Variants in MAP4K3 observed in about 807,000 individuals in gnomAD.
MAP4K3 encodes the protein mitogen-activated protein kinase kinase kinase kinase 3.
MAP4K3 carries 94 observed loss-of-function variants against 143.5 expected under a neutral mutation model. The ratio of observed to expected loss-of-function variants is 0.65; its 90% confidence interval spans 0.55 to 0.78. MAP4K3 has a LOEUF of 0.78. Ranked by LOEUF, MAP4K3 falls within the 30% of genes least tolerant of loss-of-function variation. The probability of loss-of-function intolerance (pLI) is 0.00; values close to 1 mark genes in which losing one functional copy is unlikely to be tolerated. For missense variants in MAP4K3, 1,077 were observed against 1,068.1 expected (o/e 1.01, Z -0.12); for synonymous variants, 416 against 347.2 (o/e 1.20, Z -2.20).
chr2:39,354,577 C>CA (rs1443140555), intron 3 of MAP4K3, among the ~76,000 whole-genome samples: 11 of 151,846 alleles, frequency 7.2e-5, no homozygotes. Context: ...GATATCACGC[C>CA]ACTGCACTCC....
chr2:39,296,628 A>G (rs1208633319), intron 16 of MAP4K3, among the ~76,000 whole-genome samples: 4 of 152,238 alleles, frequency 2.6e-5, no homozygotes, highest in African/African-American at 7.2e-5. Context: ...GCGGTTATTA[A>G]CATCTTTAAA....
chr2:39,392,143 C>T (rs2148596888), intron 1 of MAP4K3, among the ~76,000 whole-genome samples: 1 of 143,764 alleles, frequency 7.0e-6, no homozygotes, highest in African/African-American at 2.6e-5. Flanking sequence ...TGAGATTGCA[C>T]CACTCCACTC....
chr2:39,408,532 G>C (rs1033124000), intron 1 of MAP4K3, among the ~76,000 whole-genome samples: 2 of 150,978 alleles, frequency 1.3e-5, no homozygotes, highest in Non-Finnish European at 2.9e-5. Context: ...CATCAAGCCT[G>C]AAACAAAAAA....
At chr2:39,306,801 C>T (rs1313071095) in intron 15 of MAP4K3, among the ~76,000 whole-genome samples, 2 of 152,210 alleles carry the variant, frequency 1.3e-5, no homozygotes, top group Non-Finnish European at 1.5e-5. Flanking sequence ...ACAATACTGA[C>T]ATTAGTCTTA....
At chr2:39,278,367 T>C in intron 24 of MAP4K3, 40 bp downstream of exon 24, 1 of 1,264,880 alleles carries the variant, frequency 7.9e-7, no homozygotes, top group Non-Finnish European at 1.1e-6. Flanking sequence ...TTATGGTAAC[T>C]TAAAAATTAA....
intron 24 of MAP4K3, among the ~76,000 whole-genome samples, chr2:39,274,280 G>A (rs1426962329): frequency 4.0e-5 from 6 of 150,082 alleles, no homozygotes; most frequent in Admixed American, 2.0e-4. Flanking sequence ...GCAGTGGCGC[G>A]ATCTCCGCTC....
At chr2:39,400,053 G>A (rs542516628) in intron 1 of MAP4K3, among the ~76,000 whole-genome samples, 38 of 152,202 alleles carry the variant, frequency 2.5e-4, no homozygotes, top group African/African-American at 3.6e-4. Flanking sequence ...CAATGCTACC[G>A]ACATCCATGT....
chr2:39,258,670 G>T, intron 29 of MAP4K3, 83 bp from the exon 30 acceptor site: 1 of 977,128 alleles, frequency 1.0e-6, no homozygotes, highest in Non-Finnish European at 1.6e-6. Flanking sequence ...GAATTCTGAG[G>T]ATAACAATAC....
Position 39,325,933 on chromosome 2 carries a change from A to G in MAP4K3, c.691T>C (p.Phe231Leu). 6.3e-7 allele frequency: 1 copy of G among 1,596,454 alleles called. No individual in the cohort carries two copies. The highest frequency in any genetic ancestry group is 8.6e-7 in the Non-Finnish European group (1 of 1,166,624). The change falls in exon 10 of 34, where the codon TTT (phenylalanine) becomes CTT (leucine). Residue 231 changes from phenylalanine to leucine, a missense_variant. Phe to Leu is a conservative substitution (Grantham distance 22). Coordinates refer to ENST00000263881, the MANE Select transcript of MAP4K3 (RefSeq NM_003618.4). ...TTATCCTTTAGTTTAGGAGGCTGAA[A>G]ATTGCTTTTTGTCATTAGAAATAAT... ...RALFLMTKSN[F>L]QPPKLKDKMK...
At chr2:39,422,304 CTCAATAG>C (rs1667570292) in intron 1 of MAP4K3, among the ~76,000 whole-genome samples, 1 of 152,064 alleles carries the variant, frequency 6.6e-6, no homozygotes, top group Non-Finnish European at 1.5e-5. Context: ...CCTAACTAGA[CTCAATAG>C]TCTTCTCCCA....
chr2:39,274,221 CT>C (rs1300897706), intron 24 of MAP4K3, among the ~76,000 whole-genome samples: 8 of 148,508 alleles, frequency 5.4e-5, no homozygotes, highest in South Asian at 2.1e-4. Flanking sequence ...CTTTCTCTCT[CT>C]TTTTTTTTTT....
chr2:39,422,431 A>G (rs1391174074), intron 1 of MAP4K3, among the ~76,000 whole-genome samples: 1 of 152,226 alleles, frequency 6.6e-6, no homozygotes, highest in African/African-American at 2.4e-5. Context: ...AGGAGAAAAC[A>G]GCCAACTATA....
chr2:39,309,477 T>A lies in MAP4K3; in HGVS notation c.1040A>T (p.Glu347Val), dbSNP rs1682860238. 1 of 1,595,114 alleles carries A rather than the reference T, an allele frequency of 6.3e-7. No homozygotes were observed. Among genetic ancestry groups the A allele is most frequent in the Non-Finnish European group, 8.5e-7 (1 of 1,172,922 alleles). Residue 347 changes from glutamate to valine, a missense_variant, in exon 14 of 34, where the codon GAA becomes GTA. Glu to Val is a moderately radical substitution (Grantham distance 121). Transcript: ENST00000263881. ...KFDPPLRKET[E>V]PHHELPDSDG... Reference sequence around the variant, plus strand: ...ACTACTTACAAGTTCATGATGTGGTTCTGTCTCCTTTCTTAAGGGTGGATC... The same window carrying A: ...ACTACTTACAAGTTCATGATGTGGTACTGTCTCCTTTCTTAAGGGTGGATC...
intron 26 of MAP4K3, among the ~76,000 whole-genome samples, chr2:39,269,470 C>CTTTTTTTT (rs59479315): frequency 3.3e-5 from 3 of 89,672 alleles, no homozygotes; most frequent in African/African-American, 4.6e-5. Flanking sequence ...TTGCTCAGGT[C>CTTTTTTTT]TTTTTTTTTT....
intron 1 of MAP4K3, among the ~76,000 whole-genome samples, chr2:39,418,093 C>G (rs1379959887): frequency 6.6e-6 from 1 of 151,818 alleles, no homozygotes; most frequent in Non-Finnish European, 1.5e-5. Flanking sequence ...GTCCCACGTA[C>G]TCAGGAGGCT....
intron 12 of MAP4K3, among the ~76,000 whole-genome samples, chr2:39,320,523 T>C (rs1683265821): frequency 6.6e-6 from 1 of 152,102 alleles, no homozygotes; most frequent in Admixed American, 6.6e-5. Context: ...TTTTTGGCCC[T>C]TTATGTTTTT....
chr2:39,410,815 T>C (rs1157327595), intron 1 of MAP4K3, among the ~76,000 whole-genome samples: 1 of 152,178 alleles, frequency 6.6e-6, no homozygotes, highest in Non-Finnish European at 1.5e-5. Context: ...ATTTTAGCTA[T>C]ACAAAAGGAT....
intron 2 of MAP4K3, among the ~76,000 whole-genome samples, chr2:39,370,280 C>T (rs184518265): frequency 6.6e-6 from 1 of 152,122 alleles, no homozygotes; most frequent in Non-Finnish European, 1.5e-5. Flanking sequence ...CCATGATTAA[C>T]CTTTGAAGAA....
intron 24 of MAP4K3, among the ~76,000 whole-genome samples, chr2:39,276,175 T>C (rs1681243958): frequency 6.6e-6 from 1 of 152,158 alleles, no homozygotes; most frequent in African/African-American, 2.4e-5. Context: ...GCCGGCCTTG[T>C]AATCGATTTA....
Sources: gnomAD v4.1 joint callset for allele counts (sites outside exome capture counted in the v4.1 genomes callset) on GRCh38, gnomAD v4.1.1 for gene constraint, MANE v1.5 for transcripts, NCBI Gene and HGNC (gene_info 2026-07-23, HGNC 2026-07-21) for gene names.